The following NEURL3 variants were observed in gnomAD, a reference collection of about 807,000 sequenced individuals.
The protein encoded by NEURL3 is E3 ubiquitin-protein ligase NEURL3.
NEURL3 carries 19 observed loss-of-function variants against 17.6 expected under a neutral mutation model. The ratio of observed to expected loss-of-function variants is 1.08; its 90% confidence interval spans 0.75 to 1.58. The LOEUF is 1.58. NEURL3 is among the 40% of genes most tolerant of loss of function. The pLI is 0.00. For missense variants in NEURL3, 342 were observed against 379.6 expected, an observed-to-expected ratio of 0.90 and a Z score of 0.82; for synonymous variants, 180 against 161.4, an observed-to-expected ratio of 1.11 and a Z score of -0.87.
chr2:96,504,877 C>CAAAAAAAAAAAAAAAAAAAAAAAA (rs1157285400), intron 1 of NEURL3, among the ~76,000 whole-genome samples: 22 of 55,284 alleles, frequency 4.0e-4, no homozygotes, highest in East Asian at 3.9e-3. Flanking sequence ...GACTCCGTCT[C>CAAAAAAAAAAAAAAAAAAAAAAAA]AAAAAAAAAA....
In NEURL3 at chr2:96,498,215, G is replaced by A. The variant is rs763755417; in HGVS notation, c.*29C>T. 6.6e-7 allele frequency: 1 copy of A among 1,513,462 alleles called. No individual in the cohort carries two copies. Among genetic ancestry groups the A allele is most frequent in the South Asian group, 1.2e-5 (1 of 81,860 alleles). 93.8% of individuals were successfully genotyped at this position (1,513,462 alleles called of 1,614,324 possible). A position where few individuals can be genotyped will look rare whatever the true frequency, so the allele number is the denominator to read the frequency against. ...GGGGCCAGACTCAGATCTAGGCCCG[G>A]GCTGCCACTCATACTGGGAAGCCTC... On this transcript the variant is annotated 3_prime_UTR_variant, in exon 4 of 4. Transcript: ENST00000451794. The surrounding 1 kb of genome is among the most constrained non-coding windows in gnomAD (Gnocchi z 4.4).
chr2:96,504,161 C>A (rs752223776), intron 1 of NEURL3, among the ~76,000 whole-genome samples: 1 of 152,186 alleles, frequency 6.6e-6, no homozygotes, highest in African/African-American at 2.4e-5. Context: ...AGGGGCGGCC[C>A]CTTGCTCAGC....
chr2:96,501,960 T>G (rs1221137006), intron 1 of NEURL3, among the ~76,000 whole-genome samples: 1 of 152,138 alleles, frequency 6.6e-6, no homozygotes, highest in East Asian at 1.9e-4. Context: ...AGGCAGGCAC[T>G]CTGACTACAC....
At chr2:96,500,287 G>A in intron 2 of NEURL3, 152 bp downstream of exon 2, 1 of 1,122,414 alleles carries the variant, frequency 8.9e-7, no homozygotes, top group Non-Finnish European at 1.3e-6. Flanking sequence ...TCTATCTGGC[G>A]TCTCCAGTGC....
Position 96,499,384 on chromosome 2 carries a change from G to C in NEURL3, c.580C>G (p.Pro194Ala). ...TTCTTGGGAAGGCACTCACCTTTGGGCTCAGGCACAGCCTTGTTGCTGAGG... is the reference window on the plus strand; with the variant it reads ...TTCTTGGGAAGGCACTCACCTTTGGCCTCAGGCACAGCCTTGTTGCTGAGG... ...WDLSNKAVPE[P>A]KATPGEECAI... Residue 194 changes from proline (P) to alanine (A), a missense_variant, in exon 3 of 4, where the codon CCC becomes GCC. Pro to Ala is a conservative substitution (Grantham distance 27). Transcript: ENST00000451794. 2.5e-6 allele frequency: 4 copies of C among 1,599,482 alleles called. No individual in the cohort carries two copies. The highest frequency in any genetic ancestry group is 3.4e-6 in the Non-Finnish European group (4 of 1,179,768).
chr2:96,499,271 A>G, intron 3 of NEURL3, 107 bp downstream of exon 3: 6 of 1,503,568 alleles, frequency 4.0e-6, no homozygotes, highest in Non-Finnish European at 5.3e-6. Flanking sequence ...TTTTGGCCCA[A>G]AGCCTGTGAG....
At chr2:96,506,918 G>A (rs1488712789), upstream of NEURL3, among the ~76,000 whole-genome samples, 3 of 152,150 alleles carry the variant, frequency 2.0e-5, no homozygotes, top group Non-Finnish European at 4.4e-5. Context: ...ATTCTGAGGA[G>A]CTAAAAAACC....
At chr2:96,504,997 TTTTGA>T (rs1210680033) in intron 1 of NEURL3, among the ~76,000 whole-genome samples, 1 of 152,038 alleles carries the variant, frequency 6.6e-6, no homozygotes, top group Non-Finnish European at 1.5e-5. Context: ...CCTATCACTC[TTTTGA>T]TTTGTGCGTT....
chr2:96,498,838 T>G lies in NEURL3; in HGVS notation c.587-392A>C, dbSNP rs1014003792. Among the ~76,000 whole-genome samples, 1 of 152,130 alleles carries G rather than the reference T, an allele frequency of 6.6e-6. No homozygotes were observed. The highest frequency in any genetic ancestry group is 1.5e-5 in the Non-Finnish European group (1 of 68,016). ...TGTCATCCAGGCTGGAGTGCAGTGGTGTGATCACAGCTCACTGCAGCCTCA... is the reference window on the plus strand; with the variant it reads ...TGTCATCCAGGCTGGAGTGCAGTGGGGTGATCACAGCTCACTGCAGCCTCA... On this transcript the variant is annotated intron_variant, in intron 3 of 3. Coordinates refer to ENST00000451794, the MANE Select transcript of NEURL3 (RefSeq NM_001285485.2). This position sits in a 1 kb window ranked among gnomAD's most constrained non-coding sequence, Gnocchi z 4.4.
upstream of NEURL3, among the ~76,000 whole-genome samples, chr2:96,505,775 G>T (rs1367506690): frequency 6.6e-6 from 1 of 152,228 alleles, no homozygotes; most frequent in Non-Finnish European, 1.5e-5. Context: ...GCACACAGAA[G>T]GAACTCAATC....
upstream of NEURL3, among the ~76,000 whole-genome samples, chr2:96,505,768 C>T (rs899555946): frequency 6.6e-6 from 1 of 152,230 alleles, no homozygotes; most frequent in Middle Eastern, 3.2e-3. Flanking sequence ...GACCCTGGCA[C>T]ACAGAAGGAA....
chr2:96,500,803 G>T lies in NEURL3; in HGVS notation c.150C>A (p.Phe50Leu). Reference sequence around the variant, plus strand: ...CGCCCAGGCGCACCGGCCGCTGGCTGAACACGATGCCGTCGTGGAACGTGG... The same window carrying T: ...CGCCCAGGCGCACCGGCCGCTGGCTTAACACGATGCCGTCGTGGAACGTGG... ...RRTTFHDGIV[F>L]SQRPVRLGER... The change falls in exon 2 of 4, where the codon TTC becomes TTA. Residue 50 changes from phenylalanine (F) to leucine (L), a missense_variant. By Grantham distance (22) the Phe-to-Leu change is conservative. Coordinates refer to ENST00000451794, the MANE Select transcript of NEURL3 (RefSeq NM_001285485.2). 6.5e-7 allele frequency: 1 copy of T among 1,526,954 alleles called. No homozygotes were observed. Among genetic ancestry groups the T allele is most frequent in the Non-Finnish European group, 8.8e-7 (1 of 1,142,388 alleles). 94.6% of individuals were successfully genotyped at this position (1,526,954 alleles called of 1,614,324 possible). A position where few individuals can be genotyped will look rare whatever the true frequency, so the allele number is the denominator to read the frequency against.
rs1031927768 is a variant in NEURL3, at chr2:96,500,778, C to T, written c.175G>A (p.Glu59Lys). Reference sequence around the variant, plus strand: ...CGCAGCACTCGCAGCGCCACACGCTCGCCCAGGCGCACCGGCCGCTGGCTG... The same window carrying T: ...CGCAGCACTCGCAGCGCCACACGCTTGCCCAGGCGCACCGGCCGCTGGCTG... ...VFSQRPVRLG[E>K]RVALRVLREE... The change falls in exon 2 of 4, where the codon GAG becomes AAG. Residue 59 changes from glutamate (E) to lysine (K), a missense_variant. Glu to Lys is a moderately conservative substitution (Grantham distance 56). Coordinates refer to ENST00000451794, the MANE Select transcript of NEURL3 (RefSeq NM_001285485.2). 5.4e-5 allele frequency: 83 copies of T among 1,526,292 alleles called. 2 individuals are homozygous for T. The highest frequency in any genetic ancestry group is 3.1e-5 in the Non-Finnish European group (35 of 1,142,350). The allele number at this position is 1,526,292 out of a possible 1,614,324, so 94.5% of individuals were successfully genotyped here.
chr2:96,498,314 C>T lies in NEURL3; in HGVS notation c.719G>A (p.Cys240Tyr). Residue 240 changes from cysteine to tyrosine, a missense_variant, in exon 4 of 4, where the codon TGC (cysteine) becomes TAC (tyrosine). Physicochemically the swap from Cys to Tyr is radical, Grantham distance 194. Coordinates refer to ENST00000451794, the MANE Select transcript of NEURL3 (RefSeq NM_001285485.2). The surrounding 1 kb of genome is among the most constrained non-coding windows in gnomAD (Gnocchi z 4.4). ...GGCTACCGCCTCTATCTGCCAGCGG[C>T]ACACAGGGCACTTGGCCGTATCGCT... ...VFSDTAKCPV[C>Y]RWQIEAVAPA... 1 of 1,596,988 alleles carries T rather than the reference C, an allele frequency of 6.3e-7. No individual in the cohort carries two copies. Among genetic ancestry groups the T allele is most frequent in the South Asian group, 1.1e-5 (1 of 90,382 alleles).
intron 2 of NEURL3, 127 bp from the exon 3 acceptor site, chr2:96,499,576 C>G: frequency 1.3e-6 from 1 of 782,174 alleles, no homozygotes; most frequent in Non-Finnish European, 2.1e-6. Flanking sequence ...AGCCCCCATC[C>G]CCAAATTTTA....
chr2:96,505,336 G>T lies in NEURL3; in HGVS notation c.-50C>A. The T allele has an allele frequency of 6.3e-7, 1 of 1,591,370 alleles. No homozygotes were observed. Among genetic ancestry groups the T allele is most frequent in the Non-Finnish European group, 8.5e-7 (1 of 1,172,994 alleles). Reference sequence around the variant, plus strand: ...TCCCCAGGTCTAGAAGGAACTGCCTGGAGAAGGCCAGTGGACAGGTTACCA... The same window carrying T: ...TCCCCAGGTCTAGAAGGAACTGCCTTGAGAAGGCCAGTGGACAGGTTACCA... On this transcript the variant is annotated 5_prime_UTR_variant, in exon 1 of 4. Coordinates refer to ENST00000451794, the MANE Select transcript of NEURL3 (RefSeq NM_001285485.2).
rs750671590 is a variant in NEURL3, at chr2:96,498,107, T to C, written c.*137A>G. ...AGCAGACAGCACCTCCCTGCCTTCC[T>C]CTCTCTGCCGCACCTCTTGCTAATC... is the stretch of plus-strand genomic sequence containing the variant. On this transcript the variant is annotated 3_prime_UTR_variant, in exon 4 of 4. Transcript: ENST00000451794. The surrounding 1 kb of genome is among the most constrained non-coding windows in gnomAD (Gnocchi z 4.4). The C allele has an allele frequency of 3.8e-5, 34 of 902,574 alleles. No homozygotes were observed. The highest frequency in any genetic ancestry group is 6.8e-5 in the African/African-American group (4 of 59,210). The allele number at this position is 902,574 out of a possible 1,614,324, so 55.9% of individuals were successfully genotyped here.
At chr2:96,502,279 AAGG>A in intron 1 of NEURL3, among the ~76,000 whole-genome samples, 1 of 152,310 alleles carries the variant, frequency 6.6e-6, no homozygotes, top group African/African-American at 2.4e-5. Flanking sequence ...GCACCTAGGC[AAGG>A]AGAAGTCCCA....
intron 2 of NEURL3, chr2:96,499,961 T>G (rs1385648816): frequency 5.3e-6 from 1 of 187,904 alleles, no homozygotes; most frequent in African/African-American, 2.4e-5. Context: ...CTCTCTGTGC[T>G]CTCCTGAAAT....
Sources: gnomAD v4.1 joint callset for allele counts (sites outside exome capture counted in the v4.1 genomes callset) on GRCh38, gnomAD v4.1.1 for gene constraint, Gnocchi (gnomAD v3.1) non-coding constraint, MANE v1.5 for transcripts, NCBI Gene and HGNC (gene_info 2026-07-23, HGNC 2026-07-21) for gene names.